Variants in PPP2R1B observed in about 807,000 individuals in gnomAD.
PPP2R1B encodes the protein protein phosphatase 2 scaffold subunit Abeta, also known as serine/threonine-protein phosphatase 2A 65 kDa regulatory subunit A beta isoform.
In PPP2R1B, 58 loss-of-function variants were observed where a neutral mutation model predicts 72.7. The ratio of observed to expected loss-of-function variants is 0.80; its 90% CI spans 0.65 to 0.99. PPP2R1B has a LOEUF of 0.99. PPP2R1B is among the 50% of genes least tolerant of loss of function. The probability of loss-of-function intolerance (pLI) is 0.00; values close to 1 mark genes in which losing one functional copy is unlikely to be tolerated. For missense variants in PPP2R1B, 695 were observed against 733.6 expected, an observed-to-expected ratio of 0.95 and a Z score of 0.61; for synonymous variants, 256 against 264.6, an observed-to-expected ratio of 0.97 and a Z score of 0.32.
chr11:111,740,999 A>G lies in PPP2R1B; in HGVS notation c.*597T>C, dbSNP rs1439402963. 1 of 985,648 alleles carries G rather than the reference A, an allele frequency of 1.0e-6. No homozygotes were observed. The highest frequency in any genetic ancestry group is 1.7e-5 in the African/African-American group (1 of 57,254). 61.1% of individuals were successfully genotyped at this position (985,648 alleles called of 1,614,324 possible). On this transcript the variant is annotated 3_prime_UTR_variant, in exon 15 of 15. Transcript: ENST00000527614. ...TCTGAATGACATGAGTACAGACAAAATTGAGCAAATAAAAACCAAAACAAC... is the reference window on the plus strand; with the variant it reads ...TCTGAATGACATGAGTACAGACAAAGTTGAGCAAATAAAAACCAAAACAAC...
chr11:111,756,080 G>C (rs1181486767), intron 5 of PPP2R1B, among the ~76,000 whole-genome samples: 4 of 151,620 alleles, frequency 2.6e-5, no homozygotes, highest in African/African-American at 9.7e-5. Flanking sequence ...CGTGGTGGCG[G>C]GTGCCTGTAG....
intron 15 of PPP2R1B, chr11:111,727,695 A>G (rs2135992121): frequency 6.5e-6 from 1 of 152,904 alleles, no homozygotes; most frequent in South Asian, 2.1e-4. Flanking sequence ...AATTCTGCCC[A>G]CGGGTTAGAT....
At chr11:111,741,952 A>G (rs544931692) in intron 14 of PPP2R1B, 101 bp downstream of exon 14, 674 of 1,051,974 alleles carry the variant, frequency 6.4e-4, no homozygotes, top group Non-Finnish European at 8.2e-4. Context: ...CCTGTTTCCC[A>G]TAATACTTAT....
the PPP2R1B span, among the ~76,000 whole-genome samples, chr11:111,706,007 C>A: frequency 6.6e-6 from 1 of 152,176 alleles, no homozygotes; most frequent in South Asian, 2.1e-4. Flanking sequence ...TTCGGAGAGG[C>A]AGCTCAGTGT....
At chr11:111,754,017 A>T (rs1945010543) in intron 8 of PPP2R1B, among the ~76,000 whole-genome samples, 1 of 151,982 alleles carries the variant, frequency 6.6e-6, no homozygotes, top group African/African-American at 2.4e-5. Flanking sequence ...CCTGGGCTCA[A>T]GCAATCCTCC....
chr11:111,717,989 T>A, the PPP2R1B span, among the ~76,000 whole-genome samples: 1 of 152,038 alleles, frequency 6.6e-6, no homozygotes, highest in Non-Finnish European at 1.5e-5. Context: ...AGGTGATAGG[T>A]TGACAGGTGC....
intron 11 of PPP2R1B, 68 bp downstream of exon 11, chr11:111,747,886 T>C (rs1944760785): frequency 1.4e-6 from 2 of 1,473,060 alleles, no homozygotes; most frequent in African/African-American, 1.4e-5. Context: ...CTGAGATTCC[T>C]TTCTAAAAGG....
chr11:111,729,393 GT>G (rs1944105709), intron 15 of PPP2R1B: 1 of 152,250 alleles, frequency 6.6e-6, no homozygotes. Context: ...TTGTACATTA[GT>G]TTTACCAAGC....
At chr11:111,706,432 G>T in the PPP2R1B span, among the ~76,000 whole-genome samples, 1 of 152,068 alleles carries the variant, frequency 6.6e-6, no homozygotes, top group South Asian at 2.1e-4. Context: ...GAGATGAATG[G>T]TTGGTTAGTA....
Position 111,764,460 on chromosome 11 carries a change from C to T in PPP2R1B, c.306+345G>A, listed in dbSNP as rs537552372. On this transcript the variant is annotated intron_variant, in intron 3 of 14. Coordinates refer to ENST00000527614, the MANE Select transcript of PPP2R1B (RefSeq NM_002716.5). ...TTCATCAAACTCACAAAGTCAGAAG[C>T]AAAAGTTAAACTGACAAAGACAAAA... Among the ~76,000 whole-genome samples the T allele has an allele frequency of 2.0e-5, 3 of 152,174 alleles. No homozygotes were observed. The East Asian group carries it at 5.8e-4, about 29-fold the overall frequency.
the PPP2R1B span, among the ~76,000 whole-genome samples, chr11:111,698,718 AAAAG>A: frequency 6.6e-6 from 1 of 152,242 alleles, no homozygotes; most frequent in South Asian, 2.1e-4. Context: ...CTCAAAAAAG[AAAAG>A]AAAGAAAGAA....
the PPP2R1B span, chr11:111,701,423 A>G: frequency 6.2e-7 from 1 of 1,602,602 alleles, no homozygotes; most frequent in Non-Finnish European, 8.5e-7. This position sits in a 1 kb window ranked among gnomAD's most constrained non-coding sequence, Gnocchi z 4.2. Context: ...TTCTTGGTAG[A>G]AAAGTCTCTG....
the PPP2R1B span, among the ~76,000 whole-genome samples, chr11:111,704,049 T>C: frequency 2.0e-5 from 3 of 152,180 alleles, no homozygotes; most frequent in Non-Finnish European, 2.9e-5. Context: ...GGAAGAAACA[T>C]AACAAGAAAG....
In PPP2R1B at chr11:111,738,614, C is replaced by T; in HGVS notation, c.*2982G>A. On this transcript the variant is annotated 3_prime_UTR_variant, in exon 15 of 15. Coordinates refer to ENST00000527614, the MANE Select transcript of PPP2R1B (RefSeq NM_002716.5). ...TCTGGCAAAGACCCCTGGGGCTCTGCATCACAGTGGCTGAGCTGTGGTATT... is the reference window on the plus strand; with the variant it reads ...TCTGGCAAAGACCCCTGGGGCTCTGTATCACAGTGGCTGAGCTGTGGTATT... The T allele has an allele frequency of 2.0e-6, 2 of 985,496 alleles. No homozygotes were observed. Among genetic ancestry groups the T allele is most frequent in the East Asian group, 1.1e-4 (1 of 8,822 alleles). The allele number at this position is 985,496 out of a possible 1,614,324, so 61.0% of individuals were successfully genotyped here.
At chr11:111,699,450 C>T in the PPP2R1B span, among the ~76,000 whole-genome samples, 3 of 152,162 alleles carry the variant, frequency 2.0e-5, no homozygotes, top group Non-Finnish European at 4.4e-5. Context: ...TTCTTATTCT[C>T]ATTTAATCCT....
At chr11:111,730,435 T>C (rs754318250) in intron 15 of PPP2R1B, 1 of 152,170 alleles carries the variant, frequency 6.6e-6, no homozygotes, top group Non-Finnish European at 1.5e-5. Flanking sequence ...GGGACTGCAG[T>C]TTGAGAAATA....
downstream of PPP2R1B, chr11:111,726,718 A>G (rs533612): frequency 0.97 from 490,152 of 502,922 alleles, 239,436 homozygotes; most frequent in East Asian, 1. Flanking sequence ...ACTAACAAAC[A>G]AAACACTAAG....
In PPP2R1B at chr11:111,766,317, AC is replaced by A; in HGVS notation, c.44del (p.Gly15ValfsTer14). 1 of 1,547,290 alleles carries A rather than the reference AC, an allele frequency of 6.5e-7. No individual in the cohort carries two copies. Among genetic ancestry groups the A allele is most frequent in the Non-Finnish European group, 8.7e-7 (1 of 1,152,784 alleles). ...SELGTGPGAA[G>X]GDGDDSLYPI... The stretch of plus-strand genomic sequence containing the variant: ...GGTATAGCGAATCATCTCCATCTCC[AC>A]CCGCTGCTCCTGGGCCGGTCCCGAG... On this transcript the variant is annotated frameshift_variant, in exon 1 of 15. Transcript: ENST00000527614. LOFTEE classifies it high-confidence loss of function.
downstream of PPP2R1B, chr11:111,724,399 A>C: frequency 2.1e-6 from 1 of 482,136 alleles, no homozygotes; most frequent in Non-Finnish European, 3.7e-6. Flanking sequence ...TCTCGAGGGC[A>C]GCACTGACAA....
Sources: gnomAD v4.1 joint callset for allele counts (sites outside exome capture counted in the v4.1 genomes callset) on GRCh38, gnomAD v4.1.1 for gene constraint, Gnocchi (gnomAD v3.1) non-coding constraint, MANE v1.5 for transcripts, NCBI Gene and HGNC (gene_info 2026-07-23, HGNC 2026-07-21) for gene names.